The following KHDRBS2 variants were observed in gnomAD, a reference collection of about 807,000 sequenced individuals.
The protein encoded by KHDRBS2 is KH domain-containing, RNA-binding, signal transduction-associated protein 2.
A neutral mutation model predicts 44.3 loss-of-function variants in KHDRBS2; 26 were observed. The observed-to-expected ratio is 0.59, with a 90% confidence interval of 0.43 to 0.81. The LOEUF is 0.81. Among genes scored for constraint, KHDRBS2 ranks in the 40% least tolerant of loss-of-function variants. The pLI, the probability that KHDRBS2 is intolerant of heterozygous loss-of-function variation, is 0.00. For synonymous variants in KHDRBS2, 194 were observed against 151.1 expected, an observed-to-expected ratio of 1.28 and a Z score of -2.08; for missense variants, 476 against 433.1, an observed-to-expected ratio of 1.10 and a Z score of -0.88.
At chr6:61,607,519 G>GAAAAAAAAAAAAAAAAA in the KHDRBS2 span, among the ~76,000 whole-genome samples, 39 of 23,282 alleles carry the variant, frequency 1.7e-3, 7 homozygotes, top group South Asian at 2.3e-3. Context: ...TGAGTTCCAA[G>GAAAAAAAAAAAAAAAAA]CAAAAAAAAA....
chr6:62,018,523 T>G (rs1207971748), intron 3 of KHDRBS2, among the ~76,000 whole-genome samples: 5 of 151,946 alleles, frequency 3.3e-5, no homozygotes, highest in Non-Finnish European at 7.4e-5. Context: ...AATTTTTGTA[T>G]TTTTAGTAGA....
chr6:61,550,448 A>AT, the KHDRBS2 span, among the ~76,000 whole-genome samples: 1 of 152,196 alleles, frequency 6.6e-6, no homozygotes. Flanking sequence ...ATTTATGGAC[A>AT]TTTAGACTGA....
chr6:61,815,520 A>C (rs2127242732), intron 6 of KHDRBS2, among the ~76,000 whole-genome samples: 1 of 152,280 alleles, frequency 6.6e-6, no homozygotes, highest in East Asian at 1.9e-4. Flanking sequence ...AACTATTCAC[A>C]TATTTAAAAT....
chr6:62,121,874 A>T (rs1278332664), intron 2 of KHDRBS2, among the ~76,000 whole-genome samples: 1 of 152,086 alleles, frequency 6.6e-6, no homozygotes, highest in Non-Finnish European at 1.5e-5. Context: ...AGCTCAGTAA[A>T]ATTTCTAGGG....
intron 2 of KHDRBS2, among the ~76,000 whole-genome samples, chr6:62,096,118 C>G (rs1283909491): frequency 6.6e-6 from 1 of 151,850 alleles, no homozygotes; most frequent in African/African-American, 2.4e-5. Context: ...ATTTGGTTTG[C>G]TAGTATTTTG....
At position 61,912,947 on chromosome 6, in the gene KHDRBS2, G is replaced by A. The variant is rs1333543909; in HGVS notation, c.484-11576C>T. ...AGCAACCACAACGCCTGCTCTCTTG[G>A]AATCACTCTCAATATGAGGTACTTT... On this transcript the variant is annotated intron_variant, in intron 4 of 8. Transcript: ENST00000281156. Among the ~76,000 whole-genome samples, 4 of 152,056 alleles carry A rather than the reference G, an allele frequency of 2.6e-5. No homozygotes were observed. The South Asian group carries it at 8.3e-4, about 32-fold the overall frequency.
chr6:61,913,830 G>T (rs915479279), intron 4 of KHDRBS2, among the ~76,000 whole-genome samples: 1 of 151,424 alleles, frequency 6.6e-6, no homozygotes, highest in Non-Finnish European at 1.5e-5. Context: ...CCAGGTAAAT[G>T]GAATGCAAAA....
At chr6:61,603,176 T>G in the KHDRBS2 span, among the ~76,000 whole-genome samples, 4 of 152,042 alleles carry the variant, frequency 2.6e-5, no homozygotes, top group East Asian at 1.9e-4. Flanking sequence ...GCCTATAAAC[T>G]CTCCTTACAA....
chr6:61,773,550 G>A (rs1781376622), intron 6 of KHDRBS2, among the ~76,000 whole-genome samples: 1 of 150,362 alleles, frequency 6.7e-6, no homozygotes, highest in Non-Finnish European at 1.5e-5. Flanking sequence ...TTAGCCCTTT[G>A]TCAGAAGAGT....
At chr6:61,574,575 G>A in the KHDRBS2 span, among the ~76,000 whole-genome samples, 1 of 152,058 alleles carries the variant, frequency 6.6e-6, no homozygotes, top group South Asian at 2.1e-4. Context: ...GTCAAAACGA[G>A]TTACCACGTA....
At chr6:61,770,339 T>G (rs1423874728) in intron 6 of KHDRBS2, among the ~76,000 whole-genome samples, 1 of 152,158 alleles carries the variant, frequency 6.6e-6, no homozygotes, top group East Asian at 1.9e-4. Context: ...GGATGGGGAA[T>G]GACTTTGCCG....
the KHDRBS2 span, among the ~76,000 whole-genome samples, chr6:61,563,950 T>G: frequency 6.6e-6 from 1 of 152,144 alleles, no homozygotes; most frequent in East Asian, 1.9e-4. Context: ...GAGAGTCCGC[T>G]TATGACCTTG....
intron 3 of KHDRBS2, among the ~76,000 whole-genome samples, chr6:61,991,947 G>A (rs551073017): frequency 6.6e-6 from 1 of 152,328 alleles, no homozygotes; most frequent in East Asian, 1.9e-4. Flanking sequence ...CATATGGAAT[G>A]TTTTACTTTG....
intron 6 of KHDRBS2, among the ~76,000 whole-genome samples, chr6:61,734,837 A>G (rs1280666288): frequency 6.6e-6 from 1 of 152,188 alleles, no homozygotes; most frequent in South Asian, 2.1e-4. Flanking sequence ...ATTCAAAGAC[A>G]TCAGCTCATC....
chr6:62,244,557 G>A (rs1042278970), intron 1 of KHDRBS2, among the ~76,000 whole-genome samples: 3 of 152,010 alleles, frequency 2.0e-5, no homozygotes, highest in African/African-American at 7.2e-5. Context: ...AGGACAATTG[G>A]CTAGATCTTT....
chr6:61,648,953 G>C, the KHDRBS2 span, among the ~76,000 whole-genome samples: 1 of 152,024 alleles, frequency 6.6e-6, no homozygotes, highest in Non-Finnish European at 1.5e-5. Context: ...TTTCCATCCA[G>C]ATAGATATCT....
At chr6:62,073,530 C>A (rs939436879) in intron 2 of KHDRBS2, among the ~76,000 whole-genome samples, 1 of 124,416 alleles carries the variant, frequency 8.0e-6, no homozygotes, top group Non-Finnish European at 1.7e-5. Context: ...TTTCTTTTTT[C>A]TTTTTTTTTT....
At chr6:61,827,875 C>A (rs1791152857) in intron 6 of KHDRBS2, among the ~76,000 whole-genome samples, 1 of 152,144 alleles carries the variant, frequency 6.6e-6, no homozygotes, top group Admixed American at 6.6e-5. Context: ...CTTCCAAAGG[C>A]CTTATTCTCA....
the KHDRBS2 span, among the ~76,000 whole-genome samples, chr6:61,623,864 G>C: frequency 6.6e-6 from 1 of 152,170 alleles, no homozygotes; most frequent in Non-Finnish European, 1.5e-5. Flanking sequence ...TTGCATTACA[G>C]TCACATTCAG....
Sources: allele counts gnomAD v4.1 joint callset (sites outside exome capture counted in the v4.1 genomes callset), GRCh38; gene constraint gnomAD v4.1.1; transcripts MANE v1.5; gene names NCBI Gene and HGNC (gene_info 2026-07-23, HGNC 2026-07-21).